Variants in APP observed in about 807,000 individuals in gnomAD.
The protein encoded by APP is amyloid-beta precursor protein.
APP carries 31 observed loss-of-function variants against 101.4 expected under a neutral mutation model. That is an observed-to-expected ratio of 0.31 (90% confidence interval 0.23 to 0.41). APP has a LOEUF of 0.41. Among genes scored for constraint, APP ranks in the 10% least tolerant of loss-of-function variants. APP has a pLI of 1.00. For missense variants in APP, 839 were observed against 1,003.7 expected, an observed-to-expected ratio of 0.84 and a Z score of 2.22; for synonymous variants, 366 against 364.4, an observed-to-expected ratio of 1.00 and a Z score of -0.05.
At chr21:26,051,280 A>G (rs2045828836) in intron 4 of APP, 87 bp from the exon 5 acceptor site, 2 of 1,331,440 alleles carry the variant, frequency 1.5e-6, no homozygotes, top group East Asian at 5.0e-5. Context: ...CAACATGCAG[A>G]CCCAATATAT....
intron 14 of APP, among the ~76,000 whole-genome samples, chr21:25,910,218 C>A (rs2038999842): frequency 6.6e-6 from 1 of 152,054 alleles, no homozygotes; most frequent in Non-Finnish European, 1.5e-5. Flanking sequence ...ACGTCCGCCT[C>A]CCGGGTTCAT....
At chr21:26,083,578 A>G (rs750229799) in intron 3 of APP, among the ~76,000 whole-genome samples, 33 of 152,268 alleles carry the variant, frequency 2.2e-4, no homozygotes, top group Non-Finnish European at 4.7e-4. Context: ...TTTTGTAATC[A>G]GAGAAATTTC....
At chr21:26,105,767 G>A (rs1189866664) in intron 2 of APP, among the ~76,000 whole-genome samples, 18 of 152,134 alleles carry the variant, frequency 1.2e-4, no homozygotes, top group Admixed American at 1.2e-3. Flanking sequence ...CCTGCCACCT[G>A]CTCAATACTC....
At position 26,136,207 on chromosome 21, in the gene APP, A is replaced by AAAGAAAGAAAGAAAGG. The variant is rs1273283293; in HGVS notation, c.58-24062_58-24061insCCTTTCTTTCTTTCTT. Among the ~76,000 whole-genome samples the AAAGAAAGAAAGAAAGG allele has an allele frequency of 6.5e-5, 9 of 137,416 alleles. No individual in the cohort carries two copies. In the South Asian group the frequency reaches 1.4e-3, roughly 21 times the overall value. 90.2% of individuals were successfully genotyped at this position (137,416 alleles called of 152,430 possible). A position where few individuals can be genotyped will look rare whatever the true frequency, so the allele number is the denominator to read the frequency against. On this transcript the variant is annotated intron_variant, in intron 1 of 17. Transcript: ENST00000346798. ...AAAGAAAGAAAGAAAGAAAGAAAAG[A>AAAGAAAGAAAGAAAGG]AAAGAAAGAAAAGAAATAGTTTTGT...
At chr21:25,988,492 A>G (rs2242686) in intron 8 of APP, among the ~76,000 whole-genome samples, 45,862 of 151,792 alleles carry the variant, frequency 0.3, 7,775 homozygotes, top group African/African-American at 0.46. Flanking sequence ...ACCTGAGGTC[A>G]GGAGTTTGAG....
intron 1 of APP, among the ~76,000 whole-genome samples, chr21:26,121,279 A>G (rs1392772595): frequency 6.6e-6 from 1 of 152,204 alleles, no homozygotes; most frequent in Non-Finnish European, 1.5e-5. Flanking sequence ...ATAATTTGCA[A>G]GTTTAATTGC....
chr21:26,066,219 C>T (rs1327765680), intron 3 of APP, among the ~76,000 whole-genome samples: 1 of 152,192 alleles, frequency 6.6e-6, no homozygotes, highest in Non-Finnish European at 1.5e-5. Context: ...TGATGTGATT[C>T]AGCTGTTCCT....
intron 6 of APP, among the ~76,000 whole-genome samples, chr21:26,008,277 G>C (rs184386897): frequency 6.6e-6 from 1 of 152,278 alleles, no homozygotes; most frequent in African/African-American, 2.4e-5. Flanking sequence ...CAGGACTCCC[G>C]TGACGGTGTT....
intron 8 of APP, among the ~76,000 whole-genome samples, chr21:25,982,808 G>T (rs1188581145): frequency 6.6e-6 from 1 of 152,170 alleles, no homozygotes; most frequent in Non-Finnish European, 1.5e-5. Flanking sequence ...AAATCCCCAT[G>T]CTTTCCTAAA....
At chr21:26,051,345 C>T (rs2045831438) in intron 4 of APP, 152 bp from the exon 5 acceptor site, 1 of 854,996 alleles carries the variant, frequency 1.2e-6, no homozygotes, top group Non-Finnish European at 1.9e-6. Context: ...GAATTTACAA[C>T]AGGATTTTTT....
At chr21:26,029,586 G>A (rs777641789) in intron 5 of APP, among the ~76,000 whole-genome samples, 12 of 152,098 alleles carry the variant, frequency 7.9e-5, no homozygotes, top group East Asian at 5.8e-4. Flanking sequence ...AGGGTGGGTA[G>A]AGCATGTGCA....
intron 1 of APP, among the ~76,000 whole-genome samples, chr21:26,112,422 T>C (rs988927368): frequency 1.3e-5 from 2 of 152,222 alleles, no homozygotes; most frequent in African/African-American, 4.8e-5. Flanking sequence ...TTTTCCCATA[T>C]GAGATTTTGT....
chr21:26,061,595 T>A (rs775775455), intron 3 of APP, among the ~76,000 whole-genome samples: 2 of 152,238 alleles, frequency 1.3e-5, no homozygotes, highest in African/African-American at 2.4e-5. Context: ...AAAACTGTTA[T>A]GGTTTTAGCT....
At chr21:26,048,124 G>A (rs745820402) in intron 5 of APP, among the ~76,000 whole-genome samples, 6 of 151,908 alleles carry the variant, frequency 3.9e-5, no homozygotes, top group East Asian at 3.9e-4. Context: ...AGATCAGCCC[G>A]GCCAACATGG....
intron 5 of APP, among the ~76,000 whole-genome samples, chr21:26,041,449 TAC>T (rs1182415530): frequency 6.6e-6 from 1 of 152,208 alleles, no homozygotes; most frequent in East Asian, 1.9e-4. Flanking sequence ...AGGGAATTTG[TAC>T]AGTTTAATTA....
At chr21:26,124,355 G>C (rs2062638169) in intron 1 of APP, among the ~76,000 whole-genome samples, 1 of 152,060 alleles carries the variant, frequency 6.6e-6, no homozygotes, top group South Asian at 2.1e-4. Context: ...CGGACTTCAG[G>C]CTCCTCCTAG....
intron 1 of APP, among the ~76,000 whole-genome samples, chr21:26,168,262 T>C (rs928571092): frequency 1.1e-4 from 17 of 152,230 alleles, no homozygotes; most frequent in African/African-American, 4.1e-4. Context: ...TCATTTCTTT[T>C]CTACAGCCAC....
intron 8 of APP, among the ~76,000 whole-genome samples, chr21:25,989,488 A>G (rs2042773767): frequency 6.6e-6 from 1 of 152,216 alleles, no homozygotes; most frequent in Non-Finnish European, 1.5e-5. Context: ...CTCAGGACAC[A>G]AAAGAAGAAA....
At chr21:26,149,322 G>A (rs1171723967) in intron 1 of APP, among the ~76,000 whole-genome samples, 1 of 152,196 alleles carries the variant, frequency 6.6e-6, no homozygotes, top group Non-Finnish European at 1.5e-5. Flanking sequence ...GGGGATAACA[G>A]TAGGTACCTC....
Sources: allele counts gnomAD v4.1 joint callset (sites outside exome capture counted in the v4.1 genomes callset), GRCh38; gene constraint gnomAD v4.1.1; transcripts MANE v1.5; gene names NCBI Gene and HGNC (gene_info 2026-07-23, HGNC 2026-07-21).